PTK2: variants seen among roughly 807,000 people sequenced by gnomAD.
The protein encoded by PTK2 is protein tyrosine kinase 2.
In PTK2, 45 loss-of-function variants were observed where a neutral mutation model predicts 150.1. The ratio of observed to expected loss-of-function variants is 0.30; its 90% confidence interval spans 0.24 to 0.38. PTK2 has a LOEUF of 0.38. PTK2 is among the 10% of genes least tolerant of loss of function. The pLI, the probability that PTK2 is intolerant of heterozygous loss-of-function variation, is 1.00. For missense variants in PTK2, 919 were observed against 1,307.3 expected (o/e 0.70, Z 4.58); for synonymous variants, 432 against 449.2 (o/e 0.96, Z 0.48).
At chr8:140,662,822 GA>G (rs961247006) in intron 31 of PTK2, 32 of 500,020 alleles carry the variant, frequency 6.4e-5, no homozygotes, top group Non-Finnish European at 1.1e-4. Context: ...TCATCAGGAA[GA>G]AACAAATGTT....
intron 1 of PTK2, among the ~76,000 whole-genome samples, chr8:140,958,513 T>A (rs1315279200): frequency 3.3e-5 from 5 of 152,180 alleles, no homozygotes; most frequent in Admixed American, 2.6e-4. Flanking sequence ...CTTTTATGGT[T>A]GCTTTTTGTG....
At chr8:140,679,378 G>A (rs1459751914) in intron 27 of PTK2, among the ~76,000 whole-genome samples, 3 of 151,966 alleles carry the variant, frequency 2.0e-5, no homozygotes, top group African/African-American at 7.3e-5. Context: ...GTTGATACTC[G>A]GGTAACAAGA....
chr8:140,862,896 C>T lies in PTK2; in HGVS notation c.450+1416G>A, dbSNP rs59374220. Among the ~76,000 whole-genome samples, 422 of 152,204 alleles carry T rather than the reference C, an allele frequency of 2.8e-3. 4 individuals carry two copies. The highest frequency in any genetic ancestry group is 0.02 in the Middle Eastern group (6 of 294). ...AAAAACTGTCCTCCTCAAAACCAGT[C>T]GCTGGTGCCAAAAAGGTGTTAGGTA... On this transcript the variant is annotated intron_variant, in intron 5 of 31. Coordinates refer to ENST00000522684, the Ensembl canonical transcript of PTK2.
chr8:140,865,378 G>C (rs2100138716), intron 4 of PTK2, among the ~76,000 whole-genome samples: 1 of 152,076 alleles, frequency 6.6e-6, no homozygotes, highest in Non-Finnish European at 1.5e-5. Flanking sequence ...TCAAGTTTTT[G>C]TCCTTGTTTT....
chr8:140,700,265 G>C (rs530646748), intron 26 of PTK2, among the ~76,000 whole-genome samples: 1 of 152,208 alleles, frequency 6.6e-6, no homozygotes, highest in East Asian at 1.9e-4. Context: ...CCGTAATCTA[G>C]AACTCCTGGA....
chr8:140,857,450 A>G (rs914023438), intron 5 of PTK2, among the ~76,000 whole-genome samples: 1 of 152,240 alleles, frequency 6.6e-6, no homozygotes, highest in African/African-American at 2.4e-5. Flanking sequence ...ATTAAGCATC[A>G]TAACAATTCA....
intron 1 of PTK2, among the ~76,000 whole-genome samples, chr8:140,951,305 G>C (rs1168710056): frequency 6.6e-6 from 1 of 152,174 alleles, no homozygotes; most frequent in Non-Finnish European, 1.5e-5. Context: ...CTCCGCCAAA[G>C]CTAGCTGCTT....
intron 1 of PTK2, among the ~76,000 whole-genome samples, chr8:140,960,752 C>T (rs1378393412): frequency 6.6e-6 from 1 of 151,990 alleles, no homozygotes; most frequent in Non-Finnish European, 1.5e-5. Context: ...GAGGCCAAGG[C>T]GGGCAGATCA....
chr8:140,722,338 G>A (rs183655757), intron 22 of PTK2, among the ~76,000 whole-genome samples: 2 of 152,132 alleles, frequency 1.3e-5, no homozygotes, highest in East Asian at 1.9e-4. Context: ...TCAGTGGCAC[G>A]ATCATTCCTG....
chr8:140,856,166 TA>T (rs1452853150), intron 5 of PTK2, among the ~76,000 whole-genome samples: 1 of 151,914 alleles, frequency 6.6e-6, no homozygotes, highest in African/African-American at 2.4e-5. Context: ...GTCAAAAGGC[TA>T]AAACAAAACA....
At chr8:140,736,923 A>AAAAGAAGC (rs2154404726) in intron 21 of PTK2, among the ~76,000 whole-genome samples, 1 of 152,348 alleles carries the variant, frequency 6.6e-6, no homozygotes, top group East Asian at 1.9e-4. Flanking sequence ...AATCTGCCTC[A>AAAAGAAGC]AAAGAAGCAA....
intron 4 of PTK2, among the ~76,000 whole-genome samples, chr8:140,872,351 A>C (rs1267788700): frequency 6.6e-6 from 1 of 152,158 alleles, no homozygotes; most frequent in East Asian, 1.9e-4. Flanking sequence ...GGCCCGCTGC[A>C]TGCTTTTAAA....
At chr8:140,907,198 A>C (rs955321422) in intron 2 of PTK2, among the ~76,000 whole-genome samples, 4 of 152,172 alleles carry the variant, frequency 2.6e-5, no homozygotes, top group African/African-American at 9.7e-5. Context: ...CAACCTACTA[A>C]ACTGTTGAAT....
At chr8:140,675,340 T>C (rs2100013020) in intron 28 of PTK2, 120 bp downstream of exon 31, 2 of 1,040,944 alleles carry the variant, frequency 1.9e-6, no homozygotes, top group African/African-American at 1.6e-5. Flanking sequence ...GTACTTGCTG[T>C]GGTCTGTAGA....
intron 27 of PTK2, among the ~76,000 whole-genome samples, chr8:140,686,170 T>C (rs1338269892): frequency 6.6e-6 from 1 of 152,018 alleles, no homozygotes; most frequent in Admixed American, 6.6e-5. Context: ...TTCTCACTTA[T>C]AAAGGGGAGC....
At chr8:140,902,190 C>A (rs187503118) in intron 2 of PTK2, among the ~76,000 whole-genome samples, 1 of 152,060 alleles carries the variant, frequency 6.6e-6, no homozygotes, top group Non-Finnish European at 1.5e-5. Flanking sequence ...CACGCCACCA[C>A]GCCCAGCTAA....
At chr8:140,666,993 T>C (rs774078386) in intron 30 of PTK2, among the ~76,000 whole-genome samples, 5 of 152,188 alleles carry the variant, frequency 3.3e-5, no homozygotes, top group Admixed American at 6.5e-5. Context: ...TGAGATACTA[T>C]GCTGAGTGAA....
At chr8:140,749,749 A>G (rs2100061607) in intron 17 of PTK2, among the ~76,000 whole-genome samples, 1 of 152,176 alleles carries the variant, frequency 6.6e-6, no homozygotes, top group South Asian at 2.1e-4. Context: ...TTTCTCTTAT[A>G]TATAGCCTGG....
intron 23 of PTK2, among the ~76,000 whole-genome samples, chr8:140,706,481 T>C (rs1329505569): frequency 6.6e-6 from 1 of 152,130 alleles, no homozygotes; most frequent in Non-Finnish European, 1.5e-5. Context: ...ATGTAAAAGT[T>C]AAAAACTAAG....
Sources: allele counts gnomAD v4.1 joint callset (sites outside exome capture counted in the v4.1 genomes callset), GRCh38; gene constraint gnomAD v4.1.1; transcripts MANE v1.5; gene names NCBI Gene and HGNC (gene_info 2026-07-23, HGNC 2026-07-21).